The following SYNGR1 variants were observed in gnomAD, a reference collection of about 807,000 sequenced individuals.
SYNGR1 encodes the protein synaptogyrin-1.
In SYNGR1, 14 loss-of-function variants were observed where a neutral mutation model predicts 26.1. The ratio of observed to expected loss-of-function variants is 0.54; its 90% CI spans 0.35 to 0.84. The LOEUF is 0.84. Ranked by LOEUF, SYNGR1 falls within the 40% of genes least tolerant of loss-of-function variation. SYNGR1 has a pLI of 0.01. For synonymous variants in SYNGR1, 141 were observed against 150.1 expected (o/e 0.94, Z 0.44); for missense variants, 319 against 332.9 (o/e 0.96, Z 0.33).
intron 1 of SYNGR1, among the ~76,000 whole-genome samples, chr22:39,371,816 G>T (rs986990542): frequency 2.6e-5 from 4 of 152,082 alleles, no homozygotes; most frequent in African/African-American, 9.7e-5. Flanking sequence ...CAGGTACCCT[G>T]GGTTTGAAGC....
rs551324642 is a variant in SYNGR1, at chr22:39,351,726, G to C, written c.99+1617G>C. 2.0e-5 allele frequency among the ~76,000 whole-genome samples: 3 copies of C among 152,346 alleles called. No homozygotes were observed. In the South Asian group the frequency reaches 6.2e-4, roughly 32 times the overall value. On this transcript the variant is annotated intron_variant, in intron 1 of 3. Coordinates refer to ENST00000328933, the MANE Select transcript of SYNGR1 (RefSeq NM_004711.5). ...CATTTAGCAAAGCTTTATTGAATCT[G>C]CTGGGCCCCAAGGGAAGGCAGCGTG...
intron 1 of SYNGR1, among the ~76,000 whole-genome samples, chr22:39,362,212 A>T (rs148657398): frequency 6.6e-6 from 1 of 152,066 alleles, no homozygotes; most frequent in Non-Finnish European, 1.5e-5. Flanking sequence ...GGAGAGGAAG[A>T]TGGGGCATTC....
intron 3 of SYNGR1, chr22:39,378,143 T>C: frequency 8.7e-7 from 1 of 1,146,166 alleles, no homozygotes; most frequent in Non-Finnish European, 1.1e-6. Context: ...AAGAGTGACC[T>C]CACTGTCCTT....
chr22:39,377,889 A>T, intron 3 of SYNGR1: 1 of 1,451,216 alleles, frequency 6.9e-7, no homozygotes, highest in South Asian at 1.3e-5. Flanking sequence ...GCGTTCATTC[A>T]TTCAGTAAAC....
chr22:39,381,820 C>CAA lies in SYNGR1; in HGVS notation c.608_609insAA (p.Gly204MetfsTer35). On this transcript the variant is annotated frameshift_variant, in exon 4 of 4. Coordinates refer to ENST00000328933, the MANE Select transcript of SYNGR1 (RefSeq NM_004711.5). LOFTEE classifies it high-confidence loss of function. ...CCTTACGCGCCCTACGTGGAGCCCA[C>CAA]TGGGCCGGATCCCGCCGGTATGGGC... The CAA allele has an allele frequency of 8.0e-7, 1 of 1,256,120 alleles. No homozygotes were observed. Among genetic ancestry groups the CAA allele is most frequent in the Non-Finnish European group, 1.1e-6 (1 of 923,018 alleles). 77.8% of individuals were successfully genotyped at this position (1,256,120 alleles called of 1,614,324 possible).
Position 39,385,462 on chromosome 22 carries a change from G to A in SYNGR1, c.*3548G>A, listed in dbSNP as rs1194472262. The A allele has an allele frequency of 2.6e-5, 4 of 152,788 alleles. No individual in the cohort carries two copies. The highest frequency in any genetic ancestry group is 7.2e-5 in the African/African-American group (3 of 41,446). 9.5% of individuals were successfully genotyped at this position (152,788 alleles called of 1,614,324 possible). On this transcript the variant is annotated 3_prime_UTR_variant, in exon 4 of 4. Transcript: ENST00000328933. ...CCCCCACCACCTGGTTAAGTCTCGA[G>A]TGAATCCAGTGGCCCCGTGGCACCC...
chr22:39,354,233 T>C (rs1302581151), intron 1 of SYNGR1, among the ~76,000 whole-genome samples: 1 of 152,228 alleles, frequency 6.6e-6, no homozygotes, highest in Non-Finnish European at 1.5e-5. Flanking sequence ...ATTTTCAGGG[T>C]TCATTTTTTA....
chr22:39,380,716 G>C (rs1440408184), intron 3 of SYNGR1, among the ~76,000 whole-genome samples: 2 of 149,866 alleles, frequency 1.3e-5, no homozygotes, highest in Non-Finnish European at 2.9e-5. Flanking sequence ...CGCCTCCTGG[G>C]TTCAAGCGAT....
At position 39,383,081 on chromosome 22, in the gene SYNGR1, C is replaced by G. The variant is rs533117900; in HGVS notation, c.*1167C>G. ...CCTCGATTCCCTGCCCTTGTGACCT[C>G]CCAGGAAACAGAACTGATCTGGGAC... is the stretch of plus-strand genomic sequence containing the variant. On this transcript the variant is annotated 3_prime_UTR_variant, in exon 4 of 4. Transcript: ENST00000328933. 2.0e-5 allele frequency: 3 copies of G among 152,238 alleles called. No homozygotes were observed. The highest frequency in any genetic ancestry group is 6.5e-5 in the Admixed American group (1 of 15,286). The allele number at this position is 152,238 out of a possible 1,614,324, so 9.4% of individuals were successfully genotyped here.
In SYNGR1 at chr22:39,350,997, G is replaced by T. The variant is rs1214940778; in HGVS notation, c.99+888G>T. Among the ~76,000 whole-genome samples, 1 of 152,176 alleles carries T rather than the reference G, an allele frequency of 6.6e-6. No individual in the cohort carries two copies. Among genetic ancestry groups the T allele is most frequent in the African/African-American group, 2.4e-5 (1 of 41,454 alleles). On this transcript the variant is annotated intron_variant, in intron 1 of 3. Transcript: ENST00000328933. This position sits in a 1 kb window ranked among gnomAD's most constrained non-coding sequence, Gnocchi z 4.3. ...GGGCTGAGTGGGCTCTTGTTCAGAC[G>T]GGTGGTCAGGGAGAGGATGGGTCAG...
intron 1 of SYNGR1, among the ~76,000 whole-genome samples, chr22:39,358,134 T>C (rs544301859): frequency 2.0e-5 from 3 of 152,266 alleles, no homozygotes; most frequent in Non-Finnish European, 4.4e-5. Flanking sequence ...CAGCACCCTG[T>C]GTTTAGCTCA....
intron 1 of SYNGR1, among the ~76,000 whole-genome samples, chr22:39,358,269 C>T (rs1327532680): frequency 1.3e-5 from 2 of 152,172 alleles, no homozygotes; most frequent in African/African-American, 4.8e-5. Context: ...TTGTATCTAG[C>T]TCAGGGATTG....
chr22:39,350,427 G>T lies in SYNGR1; in HGVS notation c.99+318G>T, dbSNP rs2145601222. Among the ~76,000 whole-genome samples, 1 of 152,316 alleles carries T rather than the reference G, an allele frequency of 6.6e-6. No individual in the cohort carries two copies. The highest frequency in any genetic ancestry group is 2.4e-5 in the African/African-American group (1 of 41,584). The stretch of plus-strand genomic sequence containing the variant: ...CCAGGCCGCGGCTATGCCGCGAAAG[G>T]CTCGGATTGTGCGCGGCCGCCAGGG... On this transcript the variant is annotated intron_variant, in intron 1 of 3. Transcript: ENST00000328933. The surrounding 1 kb of genome is among the most constrained non-coding windows in gnomAD (Gnocchi z 4.3).
rs114664945 is a variant in SYNGR1, at chr22:39,368,105, G to C, written c.100-6211G>C. On this transcript the variant is annotated intron_variant, in intron 1 of 3. Coordinates refer to ENST00000328933, the MANE Select transcript of SYNGR1 (RefSeq NM_004711.5). ...CCATCACTGCTCCCTCCTGGCGTTT[G>C]CCAGGGACCGCCATTGCCTTTGTGA... is the stretch of plus-strand genomic sequence containing the variant. Among the ~76,000 whole-genome samples the C allele has an allele frequency of 7.0e-3, 1,061 of 152,288 alleles. 19 individuals carry two copies. The highest frequency in any genetic ancestry group is 0.025 in the African/African-American group (1,020 of 41,550).
intron 1 of SYNGR1, among the ~76,000 whole-genome samples, chr22:39,359,293 G>A (rs943750186): frequency 6.6e-6 from 1 of 152,014 alleles, no homozygotes; most frequent in Non-Finnish European, 1.5e-5. Context: ...CCTTCATGAT[G>A]AGCCAGCTCG....
chr22:39,350,518 C>T lies in SYNGR1; in HGVS notation c.99+409C>T, dbSNP rs1309472443. 2.0e-5 allele frequency among the ~76,000 whole-genome samples: 3 copies of T among 152,010 alleles called. No individual in the cohort carries two copies. Among genetic ancestry groups the T allele is most frequent in the African/African-American group, 7.2e-5 (3 of 41,384 alleles). ...GCCTTTTTTGGGGGGTGGATCAGGG[C>T]GTGGACCATCTCGGTGGGGTGCATG... On this transcript the variant is annotated intron_variant, in intron 1 of 3. Transcript: ENST00000328933. This position sits in a 1 kb window ranked among gnomAD's most constrained non-coding sequence, Gnocchi z 4.3.
intron 1 of SYNGR1, among the ~76,000 whole-genome samples, chr22:39,351,135 G>A (rs1191194501): frequency 6.6e-6 from 1 of 152,182 alleles, no homozygotes; most frequent in African/African-American, 2.4e-5. Context: ...TTGGCTGGCT[G>A]TATCCCAGAA....
At chr22:39,365,854 C>T (rs998324111) in intron 1 of SYNGR1, among the ~76,000 whole-genome samples, 1 of 151,790 alleles carries the variant, frequency 6.6e-6, no homozygotes, top group Admixed American at 6.6e-5. Context: ...TTCTTTTTCA[C>T]ACCTGGCTAA....
chr22:39,384,387 G>A lies in SYNGR1; in HGVS notation c.*2473G>A, dbSNP rs1925593276. On this transcript the variant is annotated 3_prime_UTR_variant, in exon 4 of 4. Coordinates refer to ENST00000328933, the MANE Select transcript of SYNGR1 (RefSeq NM_004711.5). ...TCAAGACTCCTGCCAGGAATGGGGGGTGCTGAGTCATCTCACGAAGAATCC... is the reference window on the plus strand; with the variant it reads ...TCAAGACTCCTGCCAGGAATGGGGGATGCTGAGTCATCTCACGAAGAATCC... The A allele has an allele frequency of 5.0e-6, 2 of 397,578 alleles. No homozygotes were observed. The highest frequency in any genetic ancestry group is 8.9e-6 in the Non-Finnish European group (2 of 225,924). 24.6% of individuals were successfully genotyped at this position (397,578 alleles called of 1,614,324 possible). A position where few individuals can be genotyped will look rare whatever the true frequency, so the allele number is the denominator to read the frequency against.
Sources: gnomAD v4.1 joint callset for allele counts (sites outside exome capture counted in the v4.1 genomes callset) on GRCh38, gnomAD v4.1.1 for gene constraint, Gnocchi (gnomAD v3.1) non-coding constraint, MANE v1.5 for transcripts, NCBI Gene and HGNC (gene_info 2026-07-23, HGNC 2026-07-21) for gene names.